The following IL17B variants were observed in gnomAD, a reference collection of about 807,000 sequenced individuals.
The protein encoded by IL17B is interleukin-17B.
IL17B carries 14 observed loss-of-function variants against 14.7 expected under a neutral mutation model. That is an observed-to-expected ratio of 0.95 (90% CI 0.63 to 1.49). The LOEUF is 1.49. Ranked by LOEUF, IL17B falls within the 40% of genes most tolerant of loss-of-function variation. The pLI is 0.00. For synonymous variants in IL17B, 105 were observed against 94.8 expected, an observed-to-expected ratio of 1.11 and a Z score of -0.62; for missense variants, 233 against 252.8, an observed-to-expected ratio of 0.92 and a Z score of 0.53.
intron 1 of IL17B, 42 bp downstream of exon 1, chr5:149,379,163 T>A: frequency 6.2e-7 from 1 of 1,613,262 alleles, no homozygotes; most frequent in Non-Finnish European, 8.5e-7. Context: ...ATATTTGGGC[T>A]CTTAAAAAGG....
chr5:149,400,644 C>T (rs766322680), intron 1 of IL17B, among the ~76,000 whole-genome samples: 1 of 152,110 alleles, frequency 6.6e-6, no homozygotes, highest in African/African-American at 2.4e-5. Flanking sequence ...ACAGAGCCAA[C>T]GGGATATATA....
chr5:149,391,779 A>G (rs1160686368), intron 1 of IL17B, among the ~76,000 whole-genome samples: 1 of 152,178 alleles, frequency 6.6e-6, no homozygotes, highest in East Asian at 1.9e-4. Flanking sequence ...TGTGCAATAG[A>G]GGAGGGTGAC....
At chr5:149,383,436 C>T (rs1758750359), upstream of IL17B, among the ~76,000 whole-genome samples, 1 of 152,176 alleles carries the variant, frequency 6.6e-6, no homozygotes, top group African/African-American at 2.4e-5. Context: ...AAGAACTTGC[C>T]CAAGTGGACC....
rs201335439 is a variant in IL17B, at chr5:149,402,688, T to TA, written n.95+1419_95+1420insT. 6.5e-3 allele frequency among the ~76,000 whole-genome samples: 773 copies of TA among 118,452 alleles called. 9 individuals are homozygous for TA. The highest frequency in any genetic ancestry group is 0.024 in the African/African-American group (645 of 26,782). 77.7% of individuals were successfully genotyped at this position (118,452 alleles called of 152,430 possible). A position where few individuals can be genotyped will look rare whatever the true frequency, so the allele number is the denominator to read the frequency against. On this transcript the variant is annotated intron_variant and non_coding_transcript_variant, in intron 1 of 2. Coordinates refer to the IL17B transcript ENST00000505432. ...ATTTATCTTCTTTAATACCATGCTT[T>TA]TAAAAAAAAAAAAAAAAAAAGAACA...
chr5:149,379,711 G>A (rs2127618115), upstream of IL17B, among the ~76,000 whole-genome samples: 1 of 152,232 alleles, frequency 6.6e-6, no homozygotes, highest in South Asian at 2.1e-4. Flanking sequence ...CATCTCCCAG[G>A]GAAACAGCCT....
chr5:149,377,300 A>G (rs1465225854), intron 1 of IL17B, among the ~76,000 whole-genome samples: 1 of 151,730 alleles, frequency 6.6e-6, no homozygotes, highest in Non-Finnish European at 1.5e-5. Flanking sequence ...CTGCCTCTTC[A>G]CCTCCTGGAC....
At position 149,390,630 on chromosome 5, in the gene IL17B, C is replaced by CACACACACACACACACACACAG. The variant is rs1491235916; in HGVS notation, n.95+13477_95+13478insCTGTGTGTGTGTGTGTGTGTGT. Among the ~76,000 whole-genome samples, 218 of 132,040 alleles carry CACACACACACACACACACACAG rather than the reference C, an allele frequency of 1.7e-3. 1 individual carries two copies. The highest frequency in any genetic ancestry group is 6.0e-3 in the African/African-American group (206 of 34,546). The allele number at this position is 132,040 out of a possible 152,430, so 86.6% of individuals were successfully genotyped here. On this transcript the variant is annotated intron_variant and non_coding_transcript_variant, in intron 1 of 2. Transcript: ENST00000505432. ...ACACACACACACACACACACACACA[C>CACACACACACACACACACACAG]AGAGATACACAAGGCCCTCCAAGTC... is the stretch of plus-strand genomic sequence containing the variant.
intron 1 of IL17B, among the ~76,000 whole-genome samples, chr5:149,403,180 G>A (rs1181559530): frequency 2.6e-5 from 4 of 151,940 alleles, no homozygotes. Context: ...TGCCTCCCAG[G>A]CTCAAGTGAT....
chr5:149,379,089 G>T (rs1424294364), intron 1 of IL17B, 116 bp downstream of exon 1: 4 of 1,246,782 alleles, frequency 3.2e-6, no homozygotes, highest in South Asian at 1.2e-5. Context: ...AGACAGAGAA[G>T]TTGCCTCTGC....
At position 149,392,064 on chromosome 5, in the gene IL17B, A is replaced by C. The variant is rs530259992; in HGVS notation, n.95+12044T>G. 5.9e-5 allele frequency among the ~76,000 whole-genome samples: 9 copies of C among 152,338 alleles called. No individual in the cohort carries two copies. The East Asian group carries it at 1.7e-3, about 29-fold the overall frequency. ...TGTACATTGCAAGTGGGAGTACACA[A>C]TGGTTACAACCTCCATGAGGGAGGT... On this transcript the variant is annotated intron_variant and non_coding_transcript_variant, in intron 1 of 2. Transcript: ENST00000505432.
At chr5:149,379,179 G>A in intron 1 of IL17B, 26 bp downstream of exon 1, 1 of 1,614,000 alleles carries the variant, frequency 6.2e-7, no homozygotes, top group South Asian at 1.1e-5. Context: ...AAAGGGGTGG[G>A]GGTGCGGCAG....
At chr5:149,381,194 T>G (rs1199249687), upstream of IL17B, among the ~76,000 whole-genome samples, 1 of 152,214 alleles carries the variant, frequency 6.6e-6, no homozygotes, top group Non-Finnish European at 1.5e-5. Context: ...CCTTACCTGC[T>G]GGAAATACGC....
At chr5:149,402,958 G>A (rs569803536) in intron 1 of IL17B, among the ~76,000 whole-genome samples, 62 of 126,202 alleles carry the variant, frequency 4.9e-4, no homozygotes, top group Non-Finnish European at 7.3e-4. Flanking sequence ...AGCCGGGATC[G>A]CACCATTGCA....
chr5:149,374,310 G>A lies in IL17B; in HGVS notation c.*59C>T. On this transcript the variant is annotated 3_prime_UTR_variant, in exon 3 of 3. Transcript: ENST00000261796. The surrounding 1 kb of genome is among the most constrained non-coding windows in gnomAD (Gnocchi z 5.0). ...GTTTACTTTTCATAGGCCTTTCTTG[G>A]CACAAAGGTGCAAGGAGGATGGTCT... The A allele has an allele frequency of 6.9e-7, 1 of 1,440,756 alleles. No homozygotes were observed. The allele number at this position is 1,440,756 out of a possible 1,614,324, so 89.2% of individuals were successfully genotyped here.
At chr5:149,389,562 TC>T (rs1322661227) in intron 1 of IL17B, among the ~76,000 whole-genome samples, 2 of 152,222 alleles carry the variant, frequency 1.3e-5, no homozygotes, top group Non-Finnish European at 2.9e-5. Context: ...CTTCCTTTAA[TC>T]CCAGTCATGG....
upstream of IL17B, among the ~76,000 whole-genome samples, chr5:149,380,571 GACC>G (rs1758667112): frequency 6.6e-6 from 1 of 152,150 alleles, no homozygotes; most frequent in African/African-American, 2.4e-5. Context: ...ATGCTCAACT[GACC>G]ACCTCCTCTG....
intron 1 of IL17B, among the ~76,000 whole-genome samples, chr5:149,387,914 A>G (rs1458653294): frequency 2.6e-5 from 4 of 152,208 alleles, no homozygotes; most frequent in African/African-American, 2.4e-5. Flanking sequence ...GAAAAGGGAC[A>G]GAGCTTGGGA....
At chr5:149,401,429 G>A (rs1341210548) in intron 1 of IL17B, among the ~76,000 whole-genome samples, 1 of 152,204 alleles carries the variant, frequency 6.6e-6, no homozygotes, top group Non-Finnish European at 1.5e-5. Flanking sequence ...ATTGGACTGG[G>A]CATGGTGGCT....
chr5:149,390,620 C>CAG (rs963534646), intron 1 of IL17B, among the ~76,000 whole-genome samples: 10 of 146,818 alleles, frequency 6.8e-5, no homozygotes, highest in African/African-American at 2.5e-4. Flanking sequence ...CACACACACA[C>CAG]ACACACACAC....
Sources: allele counts gnomAD v4.1 joint callset (sites outside exome capture counted in the v4.1 genomes callset), GRCh38; gene constraint gnomAD v4.1.1; non-coding constraint Gnocchi (gnomAD v3.1); transcripts MANE v1.5; gene names NCBI Gene and HGNC (gene_info 2026-07-23, HGNC 2026-07-21).